MAFG: variants seen among roughly 807,000 people sequenced by gnomAD.
MAFG encodes MAF bZIP transcription factor G.
In MAFG, 3 loss-of-function variants were observed where a neutral mutation model predicts 12.2. That is an observed-to-expected ratio of 0.25 (90% CI 0.11 to 0.64). The LOEUF is 0.64. MAFG is among the 30% of genes least tolerant of loss of function. MAFG has a pLI of 0.85. For missense variants in MAFG, 153 were observed against 235.5 expected (o/e 0.65, Z 2.29); for synonymous variants, 126 against 109.1 (o/e 1.15, Z -0.96).
At chr17:81,929,049 T>C (rs1177971497), upstream of MAFG, among the ~76,000 whole-genome samples, 1 of 151,924 alleles carries the variant, frequency 6.6e-6, no homozygotes, top group East Asian at 1.9e-4. The surrounding 1 kb of genome is among the most constrained non-coding windows in gnomAD (Gnocchi z 5.7). Context: ...GAGCCAGGGG[T>C]GATTGGCCCT....
intron 1 of MAFG, among the ~76,000 whole-genome samples, chr17:81,927,166 C>A (rs1346541192): frequency 6.6e-6 from 1 of 151,420 alleles, no homozygotes; most frequent in Non-Finnish European, 1.5e-5. Context: ...CTGGCGCGGA[C>A]CCCCGGGCGC....
intron 1 of MAFG, among the ~76,000 whole-genome samples, chr17:81,925,038 G>A (rs901992848): frequency 6.6e-6 from 1 of 152,212 alleles, no homozygotes; most frequent in Admixed American, 6.5e-5. Flanking sequence ...TGGGGGAGGG[G>A]CAGCCCTGAG....
At position 81,926,187 on chromosome 17, in the gene MAFG, G is replaced by A. The variant is rs1279334840; in HGVS notation, c.-30+1341C>T. ...ACTCCCAAGCTGCCACTTTCTAAGC[G>A]TCCTGGGCTGCCAGGCCAGACACCC... On this transcript the variant is annotated intron_variant, in intron 1 of 2. Coordinates refer to ENST00000357736, the MANE Select transcript of MAFG (RefSeq NM_002359.4). The surrounding 1 kb of genome is among the most constrained non-coding windows in gnomAD (Gnocchi z 4.6). Among the ~76,000 whole-genome samples the A allele has an allele frequency of 1.3e-5, 2 of 152,136 alleles. No individual in the cohort carries two copies. Among genetic ancestry groups the A allele is most frequent in the Admixed American group, 1.3e-4 (2 of 15,282 alleles).
intron 1 of MAFG, among the ~76,000 whole-genome samples, chr17:81,923,704 A>G (rs547758513): frequency 6.6e-6 from 1 of 151,370 alleles, no homozygotes; most frequent in South Asian, 2.1e-4. Context: ...CGCAGCCCCC[A>G]GCCTGGCCAA....
intron 1 of MAFG, chr17:81,923,954 G>A (rs554166686): frequency 1.3e-5 from 2 of 152,450 alleles, no homozygotes; most frequent in Non-Finnish European, 2.9e-5. Flanking sequence ...GGACTGACCA[G>A]GGAGTTCCCC....
In MAFG at chr17:81,922,613, G is replaced by A; in HGVS notation, c.481C>T (p.Arg161Ter). The change falls in exon 3 of 3, where the codon CGA becomes TGA. Residue 161 changes from arginine (R) to a stop codon, truncating the protein, a stop_gained. Coordinates refer to ENST00000357736, the MANE Select transcript of MAFG (RefSeq NM_002359.4). LOFTEE classifies it high-confidence loss of function. ...ITIVKSKTDA[R>*]S The stretch of plus-strand genomic sequence containing the variant: ...TGGGCAGACGCGCGTCCCTACGATC[G>A]GGCATCCGTCTTGGACTTTACTATT... 8 of 1,468,098 alleles carry A rather than the reference G, an allele frequency of 5.4e-6. No homozygotes were observed. The highest frequency in any genetic ancestry group is 1.5e-5 in the South Asian group (1 of 68,378). The allele number at this position is 1,468,098 out of a possible 1,614,324, so 90.9% of individuals were successfully genotyped here. A position where few individuals can be genotyped will look rare whatever the true frequency, so the allele number is the denominator to read the frequency against.
chr17:81,925,953 G>A (rs1477874948), intron 1 of MAFG, among the ~76,000 whole-genome samples: 1 of 139,224 alleles, frequency 7.2e-6, no homozygotes, highest in African/African-American at 2.6e-5. Context: ...GAGTGGACCT[G>A]TGTTCTGTGT....
intron 1 of MAFG, among the ~76,000 whole-genome samples, chr17:81,925,762 C>T (rs1406732053): frequency 2.0e-5 from 3 of 147,932 alleles, no homozygotes; most frequent in Non-Finnish European, 4.4e-5. Context: ...GAGCTGAGAT[C>T]GCGCCACTGC....
At position 81,920,549 on chromosome 17, in the gene MAFG, C is replaced by T. The variant is rs184443608; in HGVS notation, c.*2056G>A. The T allele has an allele frequency of 2.1e-4, 32 of 152,334 alleles. No individual in the cohort carries two copies. Among genetic ancestry groups the T allele is most frequent in the African/African-American group, 5.5e-4 (23 of 41,564 alleles). The allele number at this position is 152,334 out of a possible 1,614,324, so 9.4% of individuals were successfully genotyped here. A position where few individuals can be genotyped will look rare whatever the true frequency, so the allele number is the denominator to read the frequency against. On this transcript the variant is annotated 3_prime_UTR_variant, in exon 3 of 3. Transcript: ENST00000357736. Reference sequence around the variant, plus strand: ...CTCTTGGAGGTGGGTAGGGGCACCCCCTCCCCATCATATGCCTACAAGGAG... The same window carrying T: ...CTCTTGGAGGTGGGTAGGGGCACCCTCTCCCCATCATATGCCTACAAGGAG...
chr17:81,923,115 C>T (rs1342991015), intron 2 of MAFG, 35 bp downstream of exon 2: 2 of 1,611,742 alleles, frequency 1.2e-6, no homozygotes, highest in Non-Finnish European at 1.7e-6. Context: ...TGCCCCCCGA[C>T]CCCAGCCCAC....
Position 81,922,960 on chromosome 17 carries a change from G to C in MAFG, c.134C>G (p.Ser45Cys). ...RELNQHLRGL[S>C]KEEIVQLKQR... ...CTTCAGCTGGACGATCTCCTCCTTGGACAGGCCCCGCAGGTGCTGGTTCAG... is the reference window on the plus strand; with the variant it reads ...CTTCAGCTGGACGATCTCCTCCTTGCACAGGCCCCGCAGGTGCTGGTTCAG... The change falls in exon 3 of 3, where the codon TCC becomes TGC. Residue 45 changes from serine (S) to cysteine (C), a missense_variant. By Grantham distance (112) the Ser-to-Cys change is moderately radical (BLOSUM62 -1). Around this residue, in one of 3 missense-constraint regions of MAFG, gnomAD observed 43 missense variants for 65.6 expected, o/e 0.66. Transcript: ENST00000357736. The C allele has an allele frequency of 1.2e-6, 2 of 1,601,190 alleles. No individual in the cohort carries two copies. Among genetic ancestry groups the C allele is most frequent in the Non-Finnish European group, 1.7e-6 (2 of 1,174,132 alleles).
chr17:81,925,253 G>C (rs770417928), intron 1 of MAFG, among the ~76,000 whole-genome samples: 9 of 152,218 alleles, frequency 5.9e-5, no homozygotes, highest in African/African-American at 2.2e-4. Flanking sequence ...AGATGGTCAC[G>C]GCTCCGCAAC....
At chr17:81,928,690 G>A (rs150512645), upstream of MAFG, among the ~76,000 whole-genome samples, 3 of 152,318 alleles carry the variant, frequency 2.0e-5, no homozygotes, top group Non-Finnish European at 4.4e-5. The surrounding 1 kb of genome is among the most constrained non-coding windows in gnomAD (Gnocchi z 8.1). Context: ...CCCCTGCTCT[G>A]GACACAGCCC....
rs769791620 is a variant in MAFG, at chr17:81,922,566, A to G, written c.*39T>C. The G allele has an allele frequency of 2.7e-5, 37 of 1,394,784 alleles. No homozygotes were observed. Among genetic ancestry groups the G allele is most frequent in the Non-Finnish European group, 3.3e-5 (35 of 1,065,086 alleles). The allele number at this position is 1,394,784 out of a possible 1,614,324, so 86.4% of individuals were successfully genotyped here. On this transcript the variant is annotated 3_prime_UTR_variant, in exon 3 of 3. Coordinates refer to ENST00000357736, the MANE Select transcript of MAFG (RefSeq NM_002359.4). The stretch of plus-strand genomic sequence containing the variant: ...GGGCAGCCAAATTCGCCATGTGCCT[A>G]GTGGCCCCGCAAAGACCCGCCTGGG...
chr17:81,923,267 C>CCCA, intron 1 of MAFG, 53 bp from the exon 2 acceptor site: 1 of 939,320 alleles, frequency 1.1e-6, no homozygotes, highest in Non-Finnish European at 1.4e-6. Context: ...GCCGCACCCC[C>CCCA]CCCCCCCCGC....
intron 1 of MAFG, 55 bp from the exon 2 acceptor site, chr17:81,923,269 C>CCA (rs1555620259): frequency 7.4e-6 from 7 of 941,584 alleles, no homozygotes; most frequent in East Asian, 4.4e-5. Context: ...CGCACCCCCC[C>CCA]CCCCCCGCCC....
chr17:81,925,998 G>GTC (rs2040937095), intron 1 of MAFG, among the ~76,000 whole-genome samples: 1 of 6,502 alleles, frequency 1.5e-4, no homozygotes, highest in Non-Finnish European at 1.6e-3. Context: ...GAATGGACCT[G>GTC]TGTGTGTGTG....
chr17:81,924,053 A>G lies in MAFG; in HGVS notation c.-29-839T>C, dbSNP rs1473673272. On this transcript the variant is annotated intron_variant, in intron 1 of 2. Transcript: ENST00000357736. This position sits in a 1 kb window ranked among gnomAD's most constrained non-coding sequence, Gnocchi z 4.7. ...AGTCGGCCTCCTCCACTGATGGAGT[A>G]ACCATCCTGTGGCTTTGGGTTGCAG... 1 of 152,260 alleles carries G rather than the reference A, an allele frequency of 6.6e-6. No homozygotes were observed. The highest frequency in any genetic ancestry group is 1.5e-5 in the Non-Finnish European group (1 of 68,084). The allele number at this position is 152,260 out of a possible 1,614,324, so 9.4% of individuals were successfully genotyped here. A position where few individuals can be genotyped will look rare whatever the true frequency, so the allele number is the denominator to read the frequency against.
In MAFG at chr17:81,919,485, C is replaced by T. The variant is rs1351413995; in HGVS notation, c.*3120G>A. On this transcript the variant is annotated 3_prime_UTR_variant, in exon 3 of 3. Coordinates refer to ENST00000357736, the MANE Select transcript of MAFG (RefSeq NM_002359.4). The stretch of plus-strand genomic sequence containing the variant: ...CTCTCCTGGTGAGAGCTGACCTGTC[C>T]CTGCTGGGTATTCCTCTGAAATCTG... 1 of 152,282 alleles carries T rather than the reference C, an allele frequency of 6.6e-6. No homozygotes were observed. Among genetic ancestry groups the T allele is most frequent in the Non-Finnish European group, 1.5e-5 (1 of 68,064 alleles). The allele number at this position is 152,282 out of a possible 1,614,324, so 9.4% of individuals were successfully genotyped here.
Sources: gnomAD v4.1 joint callset for allele counts (sites outside exome capture counted in the v4.1 genomes callset) on GRCh38, gnomAD v4.1.1 for gene constraint, gnomAD v4.1.1 regional missense constraint, Gnocchi (gnomAD v3.1) non-coding constraint, MANE v1.5 for transcripts, NCBI Gene and HGNC (gene_info 2026-07-23, HGNC 2026-07-21) for gene names.